The following SCN8A variants were observed in gnomAD, a reference collection of about 807,000 sequenced individuals.
The protein encoded by SCN8A is sodium channel protein type 8 subunit alpha.
A neutral mutation model predicts 184.1 loss-of-function variants in SCN8A; 30 were observed. That is an observed-to-expected ratio of 0.16 (90% confidence interval 0.12 to 0.22). The LOEUF (loss-of-function observed/expected upper bound fraction) is 0.22. Ranked by LOEUF, SCN8A falls within the 10% of genes least tolerant of loss-of-function variation. The pLI, the probability that SCN8A is intolerant of heterozygous loss-of-function variation, is 1.00. For synonymous variants in SCN8A, 852 were observed against 907.0 expected, an observed-to-expected ratio of 0.94 and a Z score of 1.09; for missense variants, 1,057 against 2,498.9, an observed-to-expected ratio of 0.42 and a Z score of 12.30.
At chr12:51,739,961 A>T (rs1240608525) in intron 12 of SCN8A, among the ~76,000 whole-genome samples, 1 of 152,274 alleles carries the variant, frequency 6.6e-6, no homozygotes, top group Non-Finnish European at 1.5e-5. Context: ...TATTAAATTA[A>T]CTAAAAGTAT....
Position 51,789,272 on chromosome 12 carries a change from C to G in SCN8A, c.4282-9C>G, listed in dbSNP as rs755240715. On this transcript the variant is annotated splice_polypyrimidine_tract_variant and intron_variant, in intron 23 of 26. Coordinates refer to ENST00000627620, the MANE Select transcript of SCN8A (RefSeq NM_001330260.2). Reference sequence around the variant, plus strand: ...CTGATTCTCTTCCTTTTATCCTGTCCTTTGACAGCCTGATGAGCAGCCTAA... The same window carrying G: ...CTGATTCTCTTCCTTTTATCCTGTCGTTTGACAGCCTGATGAGCAGCCTAA... The G allele has an allele frequency of 7.4e-6, 12 of 1,613,736 alleles. No individual in the cohort carries two copies. In the South Asian group the frequency reaches 1.2e-4, roughly 16 times the overall value.
chr12:51,777,713 A>G (rs1032146115), intron 20 of SCN8A, among the ~76,000 whole-genome samples: 4 of 152,178 alleles, frequency 2.6e-5, no homozygotes, highest in African/African-American at 9.6e-5. Flanking sequence ...CTCCTCCTTC[A>G]TTCTCCACAC....
At chr12:51,648,774 T>TG (rs1021115106) in intron 1 of SCN8A, among the ~76,000 whole-genome samples, 8 of 152,150 alleles carry the variant, frequency 5.3e-5, no homozygotes, top group African/African-American at 1.9e-4. Flanking sequence ...AGATGAGATT[T>TG]GGGTGGAGAC....
At chr12:51,705,279 T>C in intron 9 of SCN8A, 138 bp from the exon 10 acceptor site, 1 of 681,828 alleles carries the variant, frequency 1.5e-6, no homozygotes. Context: ...GTGCCCACAA[T>C]AGGAAGGAGT....
intron 21 of SCN8A, among the ~76,000 whole-genome samples, chr12:51,781,356 A>G (rs1297140609): frequency 6.6e-6 from 1 of 152,082 alleles, no homozygotes; most frequent in Admixed American, 6.5e-5. Context: ...CCAGTCCCAA[A>G]TGGACTGGCA....
chr12:51,762,714 A>G (rs751694175), intron 15 of SCN8A, 38 bp downstream of exon 15: 39 of 1,510,974 alleles, frequency 2.6e-5, no homozygotes, highest in Non-Finnish European at 3.3e-5. Context: ...AACATTTCCT[A>G]TCTTGCAGCT....
intron 14 of SCN8A, among the ~76,000 whole-genome samples, chr12:51,752,506 T>C (rs1178037503): frequency 1.3e-5 from 2 of 152,174 alleles, no homozygotes; most frequent in African/African-American, 2.4e-5. Flanking sequence ...CATTTTCATT[T>C]CTCATTCTCA....
At chr12:51,627,462 A>G (rs1447363181) in intron 1 of SCN8A, among the ~76,000 whole-genome samples, 1 of 152,136 alleles carries the variant, frequency 6.6e-6, no homozygotes, top group Non-Finnish European at 1.5e-5. Context: ...GCTCACTGCA[A>G]TCTCTGCCTC....
At position 51,636,993 on chromosome 12, in the gene SCN8A, C is replaced by T. The variant is rs78731857; in HGVS notation, c.-54-25771C>T. On this transcript the variant is annotated intron_variant, in intron 1 of 26. Coordinates refer to ENST00000627620, the MANE Select transcript of SCN8A (RefSeq NM_001330260.2). The stretch of plus-strand genomic sequence containing the variant: ...AGCAAGTCTGTCGGGACCATTTTTT[C>T]CAGAAGCATATGCTCACTTTGTGTC... Among the ~76,000 whole-genome samples the T allele has an allele frequency of 3.2e-3, 493 of 152,222 alleles. 4 individuals are homozygous for T. The highest frequency in any genetic ancestry group is 0.011 in the African/African-American group (466 of 41,546).
chr12:51,777,426 G>A (rs2138884687), intron 20 of SCN8A, among the ~76,000 whole-genome samples: 1 of 152,172 alleles, frequency 6.6e-6, no homozygotes, highest in East Asian at 1.9e-4. Flanking sequence ...CGCCCAGCTT[G>A]ATGCCCTGAA....
rs66672221 is a variant in SCN8A, at chr12:51,788,287, C to CTTTTT, written c.4228-391_4228-387dup. Among the ~76,000 whole-genome samples, 517 of 83,966 alleles carry CTTTTT rather than the reference C, an allele frequency of 6.2e-3. 8 individuals are homozygous for CTTTTT. The highest frequency in any genetic ancestry group is 0.011 in the African/African-American group (214 of 20,072). 55.1% of individuals were successfully genotyped at this position (83,966 alleles called of 152,430 possible). A position where few individuals can be genotyped will look rare whatever the true frequency, so the allele number is the denominator to read the frequency against. On this transcript the variant is annotated intron_variant, in intron 22 of 26. Transcript: ENST00000627620. ...TTTTCCAACCCCCATCGCTTAACACCTTTTTTTTTTTTTTTTTTTTTGCTT... is the reference window on the plus strand; with the variant it reads ...TTTTCCAACCCCCATCGCTTAACACCTTTTTTTTTTTTTTTTTTTTTTTTTTGCTT...
chr12:51,633,901 T>TAAAA (rs1940255516), intron 1 of SCN8A, among the ~76,000 whole-genome samples: 1 of 152,226 alleles, frequency 6.6e-6, no homozygotes, highest in African/African-American at 2.4e-5. Context: ...AGAAATCTTT[T>TAAAA]AAGGTCAAGT....
intron 10 of SCN8A, among the ~76,000 whole-genome samples, 161 bp downstream of exon 10, chr12:51,705,784 A>G (rs1033886458): frequency 6.6e-6 from 1 of 152,200 alleles, no homozygotes; most frequent in Non-Finnish European, 1.5e-5. Flanking sequence ...GGTTGCTCCA[A>G]TTATTCCATT....
At chr12:51,721,106 T>TATATATATATATAAAA (rs1179556945) in intron 11 of SCN8A, among the ~76,000 whole-genome samples, 1 of 106,132 alleles carries the variant, frequency 9.4e-6, no homozygotes, top group African/African-American at 3.9e-5. Flanking sequence ...TATATATATA[T>TATATATATATATAAAA]AATATTTATT....
chr12:51,595,382 C>A (rs1939324208), intron 1 of SCN8A, among the ~76,000 whole-genome samples: 1 of 152,168 alleles, frequency 6.6e-6, no homozygotes, highest in African/African-American at 2.4e-5. Flanking sequence ...AAAATTATCC[C>A]TTTGTGAAGT....
chr12:51,711,545 CCCAGGTT>C (rs1276607029), intron 11 of SCN8A, among the ~76,000 whole-genome samples: 1 of 152,144 alleles, frequency 6.6e-6, no homozygotes, highest in Non-Finnish European at 1.5e-5. Flanking sequence ...AAGATTTGAA[CCCAGGTT>C]CATCCAACTC....
At position 51,721,599 on chromosome 12, in the gene SCN8A, C is replaced by T; in HGVS notation, c.1689C>T (p.Ser563=). Residue 563 remains serine, a synonymous_variant, in exon 12 of 27, where the codon AGC becomes AGT. Transcript: ENST00000627620. ...TCCTCTCCCGCCACAACAGCAAGAGCAGCATCTTCAGTTTCAGGGGACCTG... is the reference window on the plus strand; with the variant it reads ...TCCTCTCCCGCCACAACAGCAAGAGTAGCATCTTCAGTTTCAGGGGACCTG... ...SPFLSRHNSK[S]SIFSFRGPGR... is the part of the protein sequence containing the mutation. 6.2e-7 allele frequency: 1 copy of T among 1,613,302 alleles called. No homozygotes were observed. The highest frequency in any genetic ancestry group is 8.5e-7 in the Non-Finnish European group (1 of 1,179,596).
intron 5 of SCN8A, among the ~76,000 whole-genome samples, chr12:51,688,371 T>C (rs576232167): frequency 6.6e-6 from 1 of 152,340 alleles, no homozygotes; most frequent in Non-Finnish European, 1.5e-5. Flanking sequence ...TGTAGATTTG[T>C]TTTTGTGGGG....
intron 24 of SCN8A, among the ~76,000 whole-genome samples, chr12:51,790,130 T>C (rs962286504): frequency 6.6e-6 from 1 of 152,234 alleles, no homozygotes; most frequent in Non-Finnish European, 1.5e-5. Context: ...TGCTCTCAAG[T>C]TTACCCTTTC....
Sources: allele counts gnomAD v4.1 joint callset (sites outside exome capture counted in the v4.1 genomes callset), GRCh38; gene constraint gnomAD v4.1.1; transcripts MANE v1.5; gene names NCBI Gene and HGNC (gene_info 2026-07-23, HGNC 2026-07-21).